Variants in FAF1 observed in about 807,000 individuals in gnomAD.
FAF1 encodes the protein Fas associated factor 1.
In FAF1, 25 loss-of-function variants were observed where a neutral mutation model predicts 92.5. That is an observed-to-expected ratio of 0.27 (90% CI 0.20 to 0.38). The LOEUF (loss-of-function observed/expected upper bound fraction) is 0.38. FAF1 is among the 10% of genes least tolerant of loss of function. The probability of loss-of-function intolerance (pLI) is 1.00; values close to 1 mark genes in which losing one functional copy is unlikely to be tolerated. For synonymous variants in FAF1, 234 were observed against 273.2 expected, an observed-to-expected ratio of 0.86 and a Z score of 1.42; for missense variants, 636 against 793.3, an observed-to-expected ratio of 0.80 and a Z score of 2.38.
chr1:50,450,402 T>C (rs1557949635), intron 18 of FAF1, among the ~76,000 whole-genome samples: 1 of 152,218 alleles, frequency 6.6e-6, no homozygotes, highest in Non-Finnish European at 1.5e-5. Context: ...AGGCCAGAAT[T>C]GTACCCTGGT....
chr1:50,771,902 C>CA (rs1446914534), intron 4 of FAF1, among the ~76,000 whole-genome samples: 2 of 151,718 alleles, frequency 1.3e-5, no homozygotes, highest in African/African-American at 4.8e-5. Context: ...ACTCCGTCTC[C>CA]AAAAAACAAA....
intron 12 of FAF1, among the ~76,000 whole-genome samples, chr1:50,567,745 G>A (rs1029577890): frequency 6.6e-6 from 1 of 152,000 alleles, no homozygotes; most frequent in African/African-American, 2.4e-5. Flanking sequence ...TTGTTCTATA[G>A]ATAATTTTAA....
chr1:50,900,202 C>A (rs1168630587), intron 1 of FAF1, among the ~76,000 whole-genome samples: 1 of 152,124 alleles, frequency 6.6e-6, no homozygotes, highest in Admixed American at 6.5e-5. Flanking sequence ...TTAAAGCCTA[C>A]CTAAACACTT....
At chr1:50,633,931 T>C (rs1313315665) in intron 8 of FAF1, among the ~76,000 whole-genome samples, 1 of 152,230 alleles carries the variant, frequency 6.6e-6, no homozygotes, top group African/African-American at 2.4e-5. Flanking sequence ...GTTCATTCCA[T>C]GTTGATCACA....
chr1:50,644,819 A>C (rs1234738264), intron 8 of FAF1, among the ~76,000 whole-genome samples: 1 of 152,200 alleles, frequency 6.6e-6, no homozygotes, highest in Non-Finnish European at 1.5e-5. Flanking sequence ...AGCAGTCTAC[A>C]GGTTTGGGAT....
chr1:50,561,987 G>A (rs1179787492), intron 13 of FAF1, among the ~76,000 whole-genome samples: 1 of 152,184 alleles, frequency 6.6e-6, no homozygotes. Context: ...AATGTAATGA[G>A]TGCTATTAGT....
intron 4 of FAF1, among the ~76,000 whole-genome samples, chr1:50,761,927 T>C (rs1229764913): frequency 6.6e-6 from 1 of 152,168 alleles, no homozygotes; most frequent in East Asian, 1.9e-4. Flanking sequence ...CATGATTGTA[T>C]ATCTAGAAAA....
intron 8 of FAF1, among the ~76,000 whole-genome samples, chr1:50,640,381 C>T (rs898474302): frequency 3.3e-5 from 5 of 151,656 alleles, no homozygotes; most frequent in African/African-American, 4.8e-5. Flanking sequence ...CAAGCTCCGC[C>T]TCCCAGGTTC....
At chr1:50,764,926 T>C (rs961927623) in intron 4 of FAF1, among the ~76,000 whole-genome samples, 1 of 152,206 alleles carries the variant, frequency 6.6e-6, no homozygotes, top group Non-Finnish European at 1.5e-5. Flanking sequence ...TATCTTTACG[T>C]TGGAAACTAG....
At chr1:50,836,951 CTTTTTTTTTTTT>C (rs528322924) in intron 2 of FAF1, among the ~76,000 whole-genome samples, 7 of 76,706 alleles carry the variant, frequency 9.1e-5, no homozygotes, top group Non-Finnish European at 1.4e-4. Context: ...TGTTATGTTT[CTTTTTTTTTTTT>C]TTTTTTTTTT....
intron 1 of FAF1, among the ~76,000 whole-genome samples, chr1:50,936,236 T>C: frequency 6.6e-6 from 1 of 152,184 alleles, no homozygotes; most frequent in African/African-American, 2.4e-5. Context: ...ACTCACAAAT[T>C]AGTAAGAAAG....
At chr1:50,727,063 T>C (rs1658691886) in intron 6 of FAF1, among the ~76,000 whole-genome samples, 1 of 152,246 alleles carries the variant, frequency 6.6e-6, no homozygotes, top group Admixed American at 6.5e-5. Flanking sequence ...TACCCCCATA[T>C]TCTTCACTCT....
chr1:50,873,108 G>A (rs909996639), intron 1 of FAF1, among the ~76,000 whole-genome samples: 1 of 152,168 alleles, frequency 6.6e-6, no homozygotes, highest in African/African-American at 2.4e-5. Flanking sequence ...ATTAATACTT[G>A]CTGAAGGCTC....
At chr1:50,734,876 C>A (rs933470886) in intron 6 of FAF1, among the ~76,000 whole-genome samples, 6 of 152,100 alleles carry the variant, frequency 3.9e-5, no homozygotes, top group African/African-American at 1.4e-4. Context: ...TGTAAGTTAT[C>A]TATACATATT....
At chr1:50,859,968 C>T (rs914832273) in intron 1 of FAF1, among the ~76,000 whole-genome samples, 7 of 151,824 alleles carry the variant, frequency 4.6e-5, no homozygotes, top group Non-Finnish European at 1.0e-4. Flanking sequence ...GCCATTTGAT[C>T]TTCAACAAAG....
At chr1:50,508,848 G>A (rs1302958774) in intron 15 of FAF1, among the ~76,000 whole-genome samples, 2 of 152,164 alleles carry the variant, frequency 1.3e-5, no homozygotes, top group Non-Finnish European at 2.9e-5. Flanking sequence ...TTATAGGCAT[G>A]AGCCACCACA....
At chr1:50,853,682 A>G (rs895939625) in intron 2 of FAF1, among the ~76,000 whole-genome samples, 5 of 152,102 alleles carry the variant, frequency 3.3e-5, no homozygotes, top group African/African-American at 1.2e-4. Context: ...TATATGTCAG[A>G]TATCTTTCCC....
At chr1:50,586,629 C>A (rs550940015) in intron 9 of FAF1, among the ~76,000 whole-genome samples, 1 of 152,150 alleles carries the variant, frequency 6.6e-6, no homozygotes, top group East Asian at 1.9e-4. Context: ...CTACTTCTCA[C>A]GGAAACACTG....
intron 1 of FAF1, among the ~76,000 whole-genome samples, chr1:50,883,296 C>A (rs1043105700): frequency 1.3e-5 from 2 of 152,152 alleles, no homozygotes; most frequent in Non-Finnish European, 2.9e-5. Context: ...CATGTTGATT[C>A]TTTTAAAAAT....
Sources: allele counts gnomAD v4.1 joint callset (sites outside exome capture counted in the v4.1 genomes callset), GRCh38; gene constraint gnomAD v4.1.1; transcripts MANE v1.5; gene names NCBI Gene and HGNC (gene_info 2026-07-23, HGNC 2026-07-21).